The following STXBP6 variants were observed in gnomAD, a reference collection of about 807,000 sequenced individuals.
STXBP6 encodes the protein syntaxin binding protein 6, also known as syntaxin-binding protein 6.
Under a neutral mutation model 26.9 loss-of-function variants are expected in STXBP6, and 21 were observed. The ratio of observed to expected loss-of-function variants is 0.78; its 90% CI spans 0.55 to 1.12. The LOEUF (loss-of-function observed/expected upper bound fraction) is 1.12, where lower values mean the gene tolerates loss of function less well. Among genes scored for constraint, STXBP6 ranks in the 50% most tolerant of loss-of-function variants. STXBP6 has a pLI of 0.00. For missense variants in STXBP6, 232 were observed against 257.9 expected (o/e 0.90, Z 0.69); for synonymous variants, 97 against 92.6 (o/e 1.05, Z -0.27).
At chr14:25,019,339 G>A (rs1242118659) in intron 1 of STXBP6, among the ~76,000 whole-genome samples, 1 of 151,840 alleles carries the variant, frequency 6.6e-6, no homozygotes, top group Non-Finnish European at 1.5e-5. Flanking sequence ...CTTTCCTTGG[G>A]AATAGTTTGA....
At chr14:24,945,567 C>A (rs937782651) in intron 2 of STXBP6, among the ~76,000 whole-genome samples, 1 of 151,862 alleles carries the variant, frequency 6.6e-6, no homozygotes, top group African/African-American at 2.4e-5. Flanking sequence ...GAGACCCTGT[C>A]TCAAAAACAA....
chr14:24,973,643 C>T (rs1212823924), intron 2 of STXBP6, among the ~76,000 whole-genome samples: 1 of 152,048 alleles, frequency 6.6e-6, no homozygotes, highest in Non-Finnish European at 1.5e-5. Flanking sequence ...GCCTTGGCCT[C>T]CCAAAGTGCT....
chr14:24,810,580 C>T lies in STXBP6; in HGVS notation c.*2129G>A, dbSNP rs1566366114. 1 of 152,134 alleles carries T rather than the reference C, an allele frequency of 6.6e-6. No individual in the cohort carries two copies. The highest frequency in any genetic ancestry group is 2.4e-5 in the African/African-American group (1 of 41,422). 9.4% of individuals were successfully genotyped at this position (152,134 alleles called of 1,614,324 possible). A position where few individuals can be genotyped will look rare whatever the true frequency, so the allele number is the denominator to read the frequency against. On this transcript the variant is annotated 3_prime_UTR_variant, in exon 6 of 6. Transcript: ENST00000323944. Reference sequence around the variant, plus strand: ...TGAAACTTAGGTCTAAAAGGATAAGCAGAGAGTGAGGAAAGAGGGCAAGAC... The same window carrying T: ...TGAAACTTAGGTCTAAAAGGATAAGTAGAGAGTGAGGAAAGAGGGCAAGAC...
chr14:24,882,550 G>C (rs943755074), intron 2 of STXBP6, among the ~76,000 whole-genome samples: 1 of 151,948 alleles, frequency 6.6e-6, no homozygotes, highest in African/African-American at 2.4e-5. Flanking sequence ...GCTGCCTTAC[G>C]TGTTTCTAGT....
intron 2 of STXBP6, among the ~76,000 whole-genome samples, chr14:24,963,164 C>G (rs1293482663): frequency 6.6e-6 from 1 of 152,052 alleles, no homozygotes; most frequent in Admixed American, 6.6e-5. Flanking sequence ...GAGGCACATT[C>G]TCAAAAATCA....
intron 2 of STXBP6, among the ~76,000 whole-genome samples, chr14:24,917,239 A>T (rs1466878489): frequency 6.6e-6 from 1 of 152,206 alleles, no homozygotes; most frequent in Admixed American, 6.5e-5. Flanking sequence ...ATTATTAAGG[A>T]ATGACACAAA....
At chr14:24,993,158 C>A (rs1433832456) in intron 1 of STXBP6, among the ~76,000 whole-genome samples, 1 of 152,180 alleles carries the variant, frequency 6.6e-6, no homozygotes, top group Non-Finnish European at 1.5e-5. Flanking sequence ...CACATCACAT[C>A]TATACCTTCA....
intron 1 of STXBP6, among the ~76,000 whole-genome samples, chr14:24,976,252 C>T (rs765064045): frequency 1.5e-4 from 23 of 152,190 alleles, no homozygotes; most frequent in Non-Finnish European, 2.4e-4. Context: ...TTCACAAATG[C>T]TACCCACACA....
intron 4 of STXBP6, among the ~76,000 whole-genome samples, chr14:24,835,759 T>A (rs970375432): frequency 6.6e-6 from 1 of 152,202 alleles, no homozygotes; most frequent in African/African-American, 2.4e-5. Context: ...AATATAAATA[T>A]CCTATTTTCT....
intron 2 of STXBP6, among the ~76,000 whole-genome samples, chr14:24,960,232 A>G (rs2073485805): frequency 6.6e-6 from 1 of 152,182 alleles, no homozygotes; most frequent in Admixed American, 6.5e-5. Context: ...TATGCTCACT[A>G]CTGTGAGCAA....
At chr14:24,996,125 T>G (rs1401894272) in intron 1 of STXBP6, among the ~76,000 whole-genome samples, 1 of 152,226 alleles carries the variant, frequency 6.6e-6, no homozygotes, top group Non-Finnish European at 1.5e-5. Context: ...CTTGTAGTTT[T>G]ATAACTTCAT....
At chr14:24,900,654 G>A (rs2071178439) in intron 2 of STXBP6, among the ~76,000 whole-genome samples, 1 of 152,170 alleles carries the variant, frequency 6.6e-6, no homozygotes, top group Non-Finnish European at 1.5e-5. Context: ...GTCATGCCCA[G>A]TTTTTCAGTG....
chr14:24,845,050 C>T (rs1191211040), intron 4 of STXBP6, among the ~76,000 whole-genome samples: 3 of 149,508 alleles, frequency 2.0e-5, no homozygotes, highest in Non-Finnish European at 3.0e-5. Flanking sequence ...CTCACTCTGT[C>T]GCCCAGGCTG....
chr14:24,839,816 T>A (rs1028586386), intron 4 of STXBP6, among the ~76,000 whole-genome samples: 1 of 152,188 alleles, frequency 6.6e-6, no homozygotes, highest in South Asian at 2.1e-4. Context: ...GAAATCATAA[T>A]GGTAGGCAAT....
In STXBP6 at chr14:24,810,020, C is replaced by G. The variant is rs2067776396; in HGVS notation, c.*2689G>C. 1 of 152,126 alleles carries G rather than the reference C, an allele frequency of 6.6e-6. No homozygotes were observed. The highest frequency in any genetic ancestry group is 6.6e-5 in the Admixed American group (1 of 15,260). The allele number at this position is 152,126 out of a possible 1,614,324, so 9.4% of individuals were successfully genotyped here. On this transcript the variant is annotated 3_prime_UTR_variant, in exon 6 of 6. Transcript: ENST00000323944. ...CTGATCATGTTACATTTTACAAATA[C>G]ATTCTTTAATATGAAACATTAACCT... is the stretch of plus-strand genomic sequence containing the variant.
chr14:25,047,007 T>G (rs533924748), intron 1 of STXBP6, among the ~76,000 whole-genome samples: 2 of 152,302 alleles, frequency 1.3e-5, no homozygotes, highest in East Asian at 3.9e-4. Flanking sequence ...TGGGGTGTAC[T>G]TCATGCTCCT....
chr14:24,881,466 G>C (rs527585362), intron 2 of STXBP6, among the ~76,000 whole-genome samples: 2 of 152,292 alleles, frequency 1.3e-5, no homozygotes, highest in East Asian at 1.9e-4. Flanking sequence ...GAAAACACCT[G>C]AATCAAGAAA....
intron 4 of STXBP6, among the ~76,000 whole-genome samples, chr14:24,825,546 T>C (rs1324453498): frequency 6.6e-6 from 1 of 152,226 alleles, no homozygotes; most frequent in Non-Finnish European, 1.5e-5. Flanking sequence ...CTTGGAATTA[T>C]TGATTGCTGT....
intron 4 of STXBP6, among the ~76,000 whole-genome samples, chr14:24,851,197 C>T (rs1226183001): frequency 2.0e-5 from 3 of 150,560 alleles, no homozygotes; most frequent in East Asian, 2.0e-4. Flanking sequence ...ATGGCATACC[C>T]GTTAATCTAT....
Sources: allele counts gnomAD v4.1 joint callset (sites outside exome capture counted in the v4.1 genomes callset), GRCh38; gene constraint gnomAD v4.1.1; transcripts MANE v1.5; gene names NCBI Gene and HGNC (gene_info 2026-07-23, HGNC 2026-07-21).